EPB41: variants seen among roughly 807,000 people sequenced by gnomAD.
The protein encoded by EPB41 is erythrocyte membrane protein band 4.1.
In EPB41, 65 loss-of-function variants were observed where a neutral mutation model predicts 108.0. That is an observed-to-expected ratio of 0.60 (90% confidence interval 0.49 to 0.74). The LOEUF (loss-of-function observed/expected upper bound fraction) is 0.74. Ranked by LOEUF, EPB41 falls within the 30% of genes least tolerant of loss-of-function variation. EPB41 has a pLI of 0.00. For synonymous variants in EPB41, 336 were observed against 358.9 expected, an observed-to-expected ratio of 0.94 and a Z score of 0.72; for missense variants, 875 against 1,037.0, an observed-to-expected ratio of 0.84 and a Z score of 2.15.
chr1:29,051,707 G>C (rs1051529622), intron 11 of EPB41, among the ~76,000 whole-genome samples: 2 of 152,018 alleles, frequency 1.3e-5, no homozygotes, highest in Non-Finnish European at 2.9e-5. Context: ...GACCAGCCTG[G>C]CCAACATGGT....
intron 1 of EPB41, among the ~76,000 whole-genome samples, chr1:28,950,841 C>CT (rs898541476): frequency 1.6e-4 from 24 of 148,060 alleles, no homozygotes; most frequent in East Asian, 5.9e-4. Flanking sequence ...AGTTTCTGTA[C>CT]TTTTTTTTTT....
At chr1:28,944,325 A>T (rs527637757) in intron 1 of EPB41, among the ~76,000 whole-genome samples, 3 of 152,314 alleles carry the variant, frequency 2.0e-5, no homozygotes, top group East Asian at 3.9e-4. Context: ...GGGTGACTAT[A>T]GTCAATTATA....
In EPB41 at chr1:29,018,120, T is replaced by C; in HGVS notation, c.906-104T>C. ...TGCTTTCTTTTCTTCTGTGTCCTTA[T>C]TTTTTCTCTCTCTCCCTTTCTGTTT... On this transcript the variant is annotated intron_variant, in intron 6 of 20. Coordinates refer to ENST00000343067, the MANE Select transcript of EPB41 (RefSeq NM_001376013.1). The surrounding 1 kb of genome is among the most constrained non-coding windows in gnomAD (Gnocchi z 4.4). 1 of 1,017,946 alleles carries C rather than the reference T, an allele frequency of 9.8e-7. No homozygotes were observed. The highest frequency in any genetic ancestry group is 2.1e-5 in the Admixed American group (1 of 47,890). 63.1% of individuals were successfully genotyped at this position (1,017,946 alleles called of 1,614,324 possible).
chr1:29,004,634 A>G (rs1462299674), intron 4 of EPB41, among the ~76,000 whole-genome samples: 1 of 152,220 alleles, frequency 6.6e-6, no homozygotes, highest in Non-Finnish European at 1.5e-5. Context: ...GGGAGGCTGC[A>G]TTTGTTATCT....
chr1:29,111,335 G>A (rs1669073647), intron 18 of EPB41, among the ~76,000 whole-genome samples: 1 of 152,110 alleles, frequency 6.6e-6, no homozygotes. Flanking sequence ...ATACAGAATT[G>A]TGACTTTCTG....
At chr1:28,991,734 T>C (rs2096025669) in intron 2 of EPB41, among the ~76,000 whole-genome samples, 1 of 142,582 alleles carries the variant, frequency 7.0e-6, no homozygotes. Context: ...AAAAAACAAA[T>C]CGTGGATTCT....
At chr1:29,099,091 G>A (rs999714469) in intron 17 of EPB41, among the ~76,000 whole-genome samples, 3 of 149,374 alleles carry the variant, frequency 2.0e-5, no homozygotes, top group African/African-American at 4.9e-5. Flanking sequence ...GGCAGATCAC[G>A]AGGTCAGGAG....
At chr1:28,936,101 T>C (rs2094013304) in intron 1 of EPB41, among the ~76,000 whole-genome samples, 1 of 152,222 alleles carries the variant, frequency 6.6e-6, no homozygotes, top group Non-Finnish European at 1.5e-5. Flanking sequence ...CTTCCAAGTC[T>C]AATTCCCACT....
intron 1 of EPB41, among the ~76,000 whole-genome samples, chr1:28,923,425 T>C (rs2148340173): frequency 1.3e-5 from 2 of 152,296 alleles, no homozygotes; most frequent in South Asian, 4.1e-4. Flanking sequence ...TAGATTGATA[T>C]ATCCTCTAGC....
At chr1:29,079,829 C>G (rs1435666450) in intron 16 of EPB41, among the ~76,000 whole-genome samples, 1 of 151,902 alleles carries the variant, frequency 6.6e-6, no homozygotes, top group Non-Finnish European at 1.5e-5. Context: ...AACTCCATCT[C>G]TACTAAAAAT....
intron 16 of EPB41, among the ~76,000 whole-genome samples, chr1:29,091,958 C>CA (rs911389936): frequency 1.3e-5 from 2 of 152,092 alleles, no homozygotes; most frequent in African/African-American, 4.8e-5. Context: ...ATATTCATCA[C>CA]AATGGAGGCT....
intron 7 of EPB41, among the ~76,000 whole-genome samples, chr1:29,020,550 C>A (rs529940640): frequency 6.6e-6 from 1 of 151,842 alleles, no homozygotes; most frequent in Non-Finnish European, 1.5e-5. Context: ...TATAATATAA[C>A]CCTTGGGCAA....
At chr1:28,995,463 G>A (rs1391737078) in intron 3 of EPB41, among the ~76,000 whole-genome samples, 1 of 152,188 alleles carries the variant, frequency 6.6e-6, no homozygotes, top group Admixed American at 6.5e-5. Flanking sequence ...TTGGGAGGCT[G>A]AGGCAGGAGA....
rs1640672037 is a variant in EPB41, at chr1:29,039,432, T to G, written c.1636+6T>G. The G allele has an allele frequency of 1.2e-6, 2 of 1,613,594 alleles. No homozygotes were observed. The highest frequency in any genetic ancestry group is 1.7e-6 in the Non-Finnish European group (2 of 1,179,926). On this transcript the variant is annotated splice_donor_region_variant and intron_variant, in intron 11 of 20. Coordinates refer to ENST00000343067, the MANE Select transcript of EPB41 (RefSeq NM_001376013.1). ...GTCCCGGAGCCTCGATGGAGGTTTGTATTGAATATTAATGATTTCTTGTGA... is the reference window on the plus strand; with the variant it reads ...GTCCCGGAGCCTCGATGGAGGTTTGGATTGAATATTAATGATTTCTTGTGA...
intron 16 of EPB41, among the ~76,000 whole-genome samples, chr1:29,078,136 C>T (rs550187027): frequency 5.9e-5 from 9 of 152,052 alleles, no homozygotes; most frequent in Non-Finnish European, 8.8e-5. Flanking sequence ...TGAGAACCGC[C>T]TGAACCTGGG....
intron 1 of EPB41, among the ~76,000 whole-genome samples, chr1:28,902,041 G>A (rs2091370705): frequency 1.3e-5 from 2 of 152,234 alleles, no homozygotes; most frequent in Admixed American, 6.5e-5. Context: ...ACCTAGAACA[G>A]TGCGTGGTGC....
At chr1:28,967,253 C>A (rs765058229) in intron 1 of EPB41, among the ~76,000 whole-genome samples, 20 of 152,102 alleles carry the variant, frequency 1.3e-4, no homozygotes, top group Non-Finnish European at 2.4e-4. Flanking sequence ...TTCCTGACCT[C>A]GTGATCCACC....
At chr1:29,108,805 C>T (rs1668140895) in intron 17 of EPB41, among the ~76,000 whole-genome samples, 1 of 151,048 alleles carries the variant, frequency 6.6e-6, no homozygotes, top group Non-Finnish European at 1.5e-5. Flanking sequence ...GATCCACCCG[C>T]CTACACCTCC....
At chr1:29,070,181 C>A (rs1332182882) in intron 16 of EPB41, 1 of 407,336 alleles carries the variant, frequency 2.5e-6, no homozygotes, top group Non-Finnish European at 4.2e-6. Flanking sequence ...CTATTGAGCA[C>A]CCTATTGTGT....
Sources: allele counts gnomAD v4.1 joint callset (sites outside exome capture counted in the v4.1 genomes callset), GRCh38; gene constraint gnomAD v4.1.1; non-coding constraint Gnocchi (gnomAD v3.1); transcripts MANE v1.5; gene names NCBI Gene and HGNC (gene_info 2026-07-23, HGNC 2026-07-21).